The following POLA1 variants were observed in gnomAD, a reference collection of about 807,000 sequenced individuals.
POLA1 encodes DNA polymerase alpha 1, catalytic subunit, also known as DNA polymerase alpha catalytic subunit.
A neutral mutation model predicts 124.0 loss-of-function variants in POLA1; 15 were observed. The observed-to-expected ratio is 0.12, with a 90% CI of 0.08 to 0.19. POLA1 has a LOEUF of 0.19. Ranked by LOEUF, POLA1 falls within the 10% of genes least tolerant of loss-of-function variation. POLA1 has a pLI of 1.00. For missense variants in POLA1, 886 were observed against 1,103.4 expected (o/e 0.80, Z 2.79); for synonymous variants, 408 against 389.4 (o/e 1.05, Z -0.56).
intron 26 of POLA1, among the ~76,000 whole-genome samples, chrX:24,758,665 AGTTTTTT>A (rs1240343343): frequency 9.0e-6 from 1 of 111,610 alleles, no homozygotes; most frequent in Non-Finnish European, 1.9e-5. Flanking sequence ...CATTTGCTGA[AGTTTTTT>A]GTTTTTTGTT....
chrX:24,991,245 G>A (rs1445595283), intron 36 of POLA1, among the ~76,000 whole-genome samples: 1 of 101,930 alleles, frequency 9.8e-6, no homozygotes, highest in African/African-American at 3.6e-5. Context: ...ATGGTTGACA[G>A]TACTTTTTAT....
chrX:24,741,669 G>T (rs757723115), intron 21 of POLA1, among the ~76,000 whole-genome samples, 165 bp downstream of exon 21: 9 of 111,145 alleles, frequency 8.1e-5, no homozygotes, highest in African/African-American at 2.9e-4. Flanking sequence ...GTTGGGAGAA[G>T]GGGAGGAATG....
intron 36 of POLA1, among the ~76,000 whole-genome samples, chrX:24,963,600 T>C (rs1385059040): frequency 8.9e-6 from 1 of 111,937 alleles, no homozygotes; most frequent in African/African-American, 3.2e-5. Flanking sequence ...AATGTTTTAG[T>C]AATGCCTGTC....
chrX:24,972,131 G>T (rs2048310979), intron 36 of POLA1, among the ~76,000 whole-genome samples: 1 of 110,027 alleles, frequency 9.1e-6, no homozygotes, highest in South Asian at 3.9e-4. Context: ...ACCACGCCCG[G>T]CTAAGTTTTT....
intron 26 of POLA1, among the ~76,000 whole-genome samples, chrX:24,755,897 T>C (rs1932576794): frequency 8.9e-6 from 1 of 112,414 alleles, no homozygotes; most frequent in Admixed American, 9.4e-5. Context: ...TGTAGAGTTA[T>C]TGAACGTTCC....
intron 19 of POLA1, among the ~76,000 whole-genome samples, chrX:24,738,839 G>A (rs143057732): frequency 1.8e-5 from 2 of 111,723 alleles, no homozygotes; most frequent in African/African-American, 6.5e-5. Flanking sequence ...TACCTTTTTC[G>A]TAATGTTCTC....
At chrX:24,863,220 T>C (rs1219087537) in intron 34 of POLA1, among the ~76,000 whole-genome samples, 1 of 109,090 alleles carries the variant, frequency 9.2e-6, no homozygotes, top group African/African-American at 3.4e-5. Context: ...CAGAATGAAA[T>C]AGCTGCTATC....
intron 34 of POLA1, among the ~76,000 whole-genome samples, chrX:24,849,049 T>G (rs2046512712): frequency 8.8e-6 from 1 of 113,403 alleles, no homozygotes; most frequent in Non-Finnish European, 1.9e-5. Context: ...CAATATGCAG[T>G]AGAATCACAG....
chrX:24,766,668 A>C (rs1932911148), intron 26 of POLA1, among the ~76,000 whole-genome samples: 1 of 111,535 alleles, frequency 9.0e-6, no homozygotes, highest in Non-Finnish European at 1.9e-5. Context: ...TATGTGTACT[A>C]GTTTTGGTTA....
chrX:24,995,785 C>G lies in POLA1; in HGVS notation c.4262-20C>G. On this transcript the variant is annotated intron_variant, in intron 36 of 36. Coordinates refer to ENST00000379068, the MANE Select transcript of POLA1 (RefSeq NM_001330360.2). ...AAAGAAACTACCTGAGACTTCTAAT[C>G]TCTCTCTCTCTCTTTTTAGATAAAT... The G allele has an allele frequency of 9.8e-7, 1 of 1,019,040 alleles. No homozygotes were observed. The allele number at this position is 1,019,040 out of a possible 1,213,427, so 84.0% of individuals were successfully genotyped here. A position where few individuals can be genotyped will look rare whatever the true frequency, so the allele number is the denominator to read the frequency against.
chrX:24,863,902 T>TC (rs1014267550), intron 34 of POLA1, among the ~76,000 whole-genome samples: 1 of 110,969 alleles, frequency 9.0e-6, no homozygotes, highest in African/African-American at 3.3e-5. Context: ...TATGGTTTTT[T>TC]CCCAAGTATT....
chrX:24,725,191 C>CTTT (rs757657562), intron 12 of POLA1, among the ~76,000 whole-genome samples: 12 of 89,004 alleles, frequency 1.3e-4, no homozygotes, highest in East Asian at 3.4e-4. Context: ...TGAATGACTA[C>CTTT]TTTTTTTTTT....
chrX:24,931,041 T>C (rs971943279), intron 36 of POLA1, among the ~76,000 whole-genome samples: 1 of 111,416 alleles, frequency 9.0e-6, no homozygotes, highest in Admixed American at 9.6e-5. Context: ...TCAGCCCGTA[T>C]GATCAGCTGT....
chrX:24,797,346 C>T (rs2045626027), intron 26 of POLA1, among the ~76,000 whole-genome samples: 1 of 111,465 alleles, frequency 9.0e-6, no homozygotes, highest in Admixed American at 9.5e-5. Context: ...CAGCATTTCC[C>T]TGTGTTCTTT....
At chrX:24,930,323 T>C in intron 35 of POLA1, 130 bp from the exon 36 acceptor site, 1 of 484,403 alleles carries the variant, frequency 2.1e-6, no homozygotes, top group Non-Finnish European at 3.7e-6. Flanking sequence ...TCTGCCCTTC[T>C]TACCCACTTT....
intron 26 of POLA1, among the ~76,000 whole-genome samples, chrX:24,770,671 A>G (rs1434840086): frequency 9.0e-6 from 1 of 111,099 alleles, no homozygotes; most frequent in Non-Finnish European, 1.9e-5. Flanking sequence ...CTCAGGCTGT[A>G]CCTTTCCTTA....
At chrX:24,773,962 G>A (rs1386842398) in intron 26 of POLA1, among the ~76,000 whole-genome samples, 1 of 111,890 alleles carries the variant, frequency 8.9e-6, no homozygotes, top group African/African-American at 3.2e-5. Context: ...CTACTCAATA[G>A]TGGAGTTGCC....
At chrX:24,708,396 T>A (rs1928964190) in intron 4 of POLA1, among the ~76,000 whole-genome samples, 1 of 100,372 alleles carries the variant, frequency 1.0e-5, no homozygotes, top group Non-Finnish European at 2.0e-5. Context: ...TTTTTTAATT[T>A]ATTTTTTTAT....
intron 15 of POLA1, among the ~76,000 whole-genome samples, chrX:24,732,156 T>C (rs993226656): frequency 9.0e-6 from 1 of 111,312 alleles, no homozygotes; most frequent in Non-Finnish European, 1.9e-5. Context: ...GGTTTTACCA[T>C]GTTGGCCAGG....
Sources: allele counts gnomAD v4.1 joint callset (sites outside exome capture counted in the v4.1 genomes callset), GRCh38; gene constraint gnomAD v4.1.1; transcripts MANE v1.5; gene names NCBI Gene and HGNC (gene_info 2026-07-23, HGNC 2026-07-21).